MCC: variants seen among roughly 807,000 people sequenced by gnomAD.
MCC encodes the protein colorectal mutant cancer protein.
In MCC, 90 loss-of-function variants were observed where a neutral mutation model predicts 116.2. The ratio of observed to expected loss-of-function variants is 0.77; its 90% CI spans 0.65 to 0.92. The LOEUF is 0.92. Among genes scored for constraint, MCC ranks in the 40% least tolerant of loss-of-function variants. MCC has a pLI of 0.00. For synonymous variants in MCC, 578 were observed against 510.5 expected, an observed-to-expected ratio of 1.13 and a Z score of -1.78; for missense variants, 1,516 against 1,312.2, an observed-to-expected ratio of 1.16 and a Z score of -2.40.
At chr5:113,076,754 A>C (rs1424602160) in intron 11 of MCC, among the ~76,000 whole-genome samples, 1 of 152,216 alleles carries the variant, frequency 6.6e-6, no homozygotes, top group African/African-American at 2.4e-5. Context: ...GCATCAACTA[A>C]CAAGCAAAAT....
intron 17 of MCC, among the ~76,000 whole-genome samples, chr5:113,035,502 G>A (rs1020767851): frequency 6.6e-6 from 1 of 152,116 alleles, no homozygotes; most frequent in Non-Finnish European, 1.5e-5. Context: ...TCACCTACAC[G>A]TGGAATAAAC....
intron 1 of MCC, chr5:113,435,658 C>G (rs1188360337): frequency 6.6e-6 from 1 of 152,532 alleles, no homozygotes; most frequent in Non-Finnish European, 1.5e-5. Flanking sequence ...GTTTGAGATG[C>G]CTGGATTCTG....
chr5:113,194,738 C>A lies in MCC; in HGVS notation c.628-43316G>T, dbSNP rs554162926. On this transcript the variant is annotated intron_variant, in intron 3 of 18. Transcript: ENST00000408903. ...GGGGAAGAGAAGAGGCCTCCTGATTCCCTATGATGAGTGATGAATGCTGCT... is the reference window on the plus strand; with the variant it reads ...GGGGAAGAGAAGAGGCCTCCTGATTACCTATGATGAGTGATGAATGCTGCT... Among the ~76,000 whole-genome samples, 36 of 152,252 alleles carry A rather than the reference C, an allele frequency of 2.4e-4. 1 individual carries two copies. The highest frequency in any genetic ancestry group is 1.2e-3 in the Admixed American group (19 of 15,290).
chr5:113,041,781 G>A (rs930317085), intron 17 of MCC, among the ~76,000 whole-genome samples: 2 of 152,192 alleles, frequency 1.3e-5, no homozygotes, highest in East Asian at 1.9e-4. Context: ...GATCACATGA[G>A]GTCAGGAGTT....
At chr5:113,327,559 A>ATATATAT (rs1186361820) in intron 3 of MCC, among the ~76,000 whole-genome samples, 10 of 81,016 alleles carry the variant, frequency 1.2e-4, no homozygotes, top group African/African-American at 3.1e-4. Flanking sequence ...AAAAAAAAAA[A>ATATATAT]AAATATATAT....
intron 5 of MCC, among the ~76,000 whole-genome samples, chr5:113,131,210 G>C (rs1455088074): frequency 6.6e-6 from 1 of 152,058 alleles, no homozygotes; most frequent in African/African-American, 2.4e-5. Context: ...TAACCTCCTT[G>C]GGAAAGAAAA....
chr5:113,101,108 A>C (rs1756378677), intron 8 of MCC, among the ~76,000 whole-genome samples: 2 of 152,174 alleles, frequency 1.3e-5, no homozygotes, highest in South Asian at 4.1e-4. Flanking sequence ...CCTAAACAAA[A>C]TGATACTCAA....
intron 3 of MCC, among the ~76,000 whole-genome samples, chr5:113,248,235 T>TAAA (rs10574369): frequency 7.5e-6 from 1 of 133,546 alleles, no homozygotes; most frequent in East Asian, 2.2e-4. Flanking sequence ...TGTATCTATT[T>TAAA]AAAAAAAAAA....
intron 2 of MCC, among the ~76,000 whole-genome samples, chr5:113,341,165 TCCTTCCTTCCTTC>T (rs1236893624): frequency 6.7e-6 from 1 of 149,812 alleles, no homozygotes; most frequent in Non-Finnish European, 1.5e-5. Flanking sequence ...TCTCTTTTTC[TCCTTCCTTCCTTC>T]CTTTCCTTCC....
In MCC at chr5:113,104,352, T is replaced by C. The variant is rs753182044; in HGVS notation, c.1031A>G (p.Asn344Ser). 1.1e-4 allele frequency: 171 copies of C among 1,606,418 alleles called. No individual in the cohort carries two copies. Among genetic ancestry groups the C allele is most frequent in the Middle Eastern group, 3.5e-4 (2 of 5,732 alleles). The change falls in exon 7 of 19, where the codon AAC becomes AGC. Residue 344 changes from asparagine (N) to serine (S), a missense_variant. Transcript: ENST00000408903. ...CAGTTCTGAGTTCAGGTCACTGCAG[T>C]TGTCTGTGAGTGAATGAAGACAAAA... ...QSTMVTADMD[N>S]CSDLNSELQR... is the part of the protein sequence containing the mutation.
chr5:113,330,713 A>T (rs920463172), intron 3 of MCC, among the ~76,000 whole-genome samples: 5 of 152,224 alleles, frequency 3.3e-5, no homozygotes, highest in African/African-American at 1.2e-4. Context: ...GGAAGTGGTA[A>T]TTGCCAGGTG....
At chr5:113,220,710 CAGT>C (rs928993796) in intron 3 of MCC, among the ~76,000 whole-genome samples, 8 of 152,260 alleles carry the variant, frequency 5.3e-5, no homozygotes, top group Admixed American at 5.2e-4. Flanking sequence ...CCTAACAAAA[CAGT>C]TTTCTTTGTA....
intron 2 of MCC, among the ~76,000 whole-genome samples, chr5:113,347,718 CCTTA>C (rs1768168584): frequency 1.3e-5 from 2 of 151,938 alleles, no homozygotes; most frequent in African/African-American, 4.8e-5. Context: ...AAGAGTAAGT[CCTTA>C]CTTACCAATA....
chr5:113,339,291 C>A (rs1323535360), intron 3 of MCC, among the ~76,000 whole-genome samples: 1 of 151,864 alleles, frequency 6.6e-6, no homozygotes, highest in African/African-American at 2.4e-5. Flanking sequence ...ATCATATACC[C>A]CACAAATAGT....
chr5:113,431,764 G>T (rs1770653016), intron 1 of MCC, among the ~76,000 whole-genome samples: 1 of 19,274 alleles, frequency 5.2e-5, no homozygotes, highest in Non-Finnish European at 1.3e-4. Context: ...GGGAGGCCAA[G>T]GGGGGGGGGG....
chr5:113,273,363 A>C (rs1765685330), intron 3 of MCC, among the ~76,000 whole-genome samples: 1 of 152,224 alleles, frequency 6.6e-6, no homozygotes, highest in Admixed American at 6.5e-5. Context: ...GTGGATCAGC[A>C]ATGAGATCTT....
intron 3 of MCC, among the ~76,000 whole-genome samples, chr5:113,296,509 A>T (rs1766715723): frequency 6.6e-6 from 1 of 152,194 alleles, no homozygotes; most frequent in South Asian, 2.1e-4. Context: ...TGAGCCCAGC[A>T]GAGATGGGAA....
chr5:113,145,781 CA>C (rs1759474965), intron 4 of MCC, among the ~76,000 whole-genome samples: 1 of 13,742 alleles, frequency 7.3e-5, no homozygotes, highest in Non-Finnish European at 1.9e-4. Context: ...CACACACACA[CA>C]CAAACACACA....
chr5:113,459,825 A>AACACACACACAC (rs5870543), intron 1 of MCC, among the ~76,000 whole-genome samples: 5,372 of 147,550 alleles, frequency 0.036, 113 homozygotes, highest in African/African-American at 0.061. Flanking sequence ...CGCTATGGAA[A>AACACACACACAC]ACACACACAC....
Sources: gnomAD v4.1 joint callset for allele counts (sites outside exome capture counted in the v4.1 genomes callset) on GRCh38, gnomAD v4.1.1 for gene constraint, MANE v1.5 for transcripts, NCBI Gene and HGNC (gene_info 2026-07-23, HGNC 2026-07-21) for gene names.